The following ROBO1 variants were observed in gnomAD, a reference collection of about 807,000 sequenced individuals.
ROBO1 encodes the protein roundabout guidance receptor 1.
ROBO1 carries 149 observed loss-of-function variants against 195.9 expected under a neutral mutation model. The ratio of observed to expected loss-of-function variants is 0.76; its 90% confidence interval spans 0.67 to 0.87. ROBO1 has a LOEUF of 0.87. Among genes scored for constraint, ROBO1 ranks in the 40% least tolerant of loss-of-function variants. The pLI, the probability that ROBO1 is intolerant of heterozygous loss-of-function variation, is 0.00. For missense variants in ROBO1, 1,933 were observed against 2,068.3 expected, an observed-to-expected ratio of 0.93 and a Z score of 1.27; for synonymous variants, 816 against 733.2, an observed-to-expected ratio of 1.11 and a Z score of -1.82.
At chr3:79,628,025 C>T (rs528420216) in intron 1 of ROBO1, among the ~76,000 whole-genome samples, 1 of 152,252 alleles carries the variant, frequency 6.6e-6, no homozygotes, top group Non-Finnish European at 1.5e-5. Context: ...AATGCTTTTA[C>T]ACTGTTGGTG....
chr3:79,033,393 C>T (rs1397360982), intron 3 of ROBO1, among the ~76,000 whole-genome samples: 2 of 152,076 alleles, frequency 1.3e-5, no homozygotes, highest in African/African-American at 4.8e-5. Context: ...ACTTATTTCA[C>T]ATTTTTCATT....
At chr3:79,546,963 C>T (rs1430310543) in intron 2 of ROBO1, among the ~76,000 whole-genome samples, 1 of 151,892 alleles carries the variant, frequency 6.6e-6, no homozygotes, top group Non-Finnish European at 1.5e-5. Flanking sequence ...GGGCGGATCA[C>T]GAGGTCAGGA....
intron 2 of ROBO1, among the ~76,000 whole-genome samples, chr3:79,339,471 C>T (rs1559829462): frequency 1.3e-5 from 2 of 152,150 alleles, no homozygotes; most frequent in Non-Finnish European, 2.9e-5. Context: ...TACCTCCACA[C>T]TTACTCTTCT....
intron 2 of ROBO1, among the ~76,000 whole-genome samples, chr3:79,243,943 C>G (rs1360483329): frequency 1.3e-5 from 2 of 152,102 alleles, no homozygotes; most frequent in Admixed American, 6.5e-5. Context: ...AGGTTTTCTT[C>G]TAGGGTTTTT....
intron 2 of ROBO1, among the ~76,000 whole-genome samples, chr3:79,310,247 C>T (rs2033418513): frequency 6.6e-6 from 1 of 152,200 alleles, no homozygotes; most frequent in Non-Finnish European, 1.5e-5. Flanking sequence ...TCATATTGTG[C>T]ACCCTGACTC....
At chr3:78,884,722 A>AAAGG (rs751568679) in intron 4 of ROBO1, among the ~76,000 whole-genome samples, 7 of 149,780 alleles carry the variant, frequency 4.7e-5, no homozygotes, top group Admixed American at 6.6e-5. Context: ...GAAGGAAAGG[A>AAAGG]AAGGAAGGAA....
intron 3 of ROBO1, among the ~76,000 whole-genome samples, chr3:79,091,844 T>C (rs183926438): frequency 4.6e-5 from 7 of 152,078 alleles, no homozygotes; most frequent in Non-Finnish European, 8.8e-5. Flanking sequence ...AATTTCACTG[T>C]GAAGAAAACC....
intron 2 of ROBO1, among the ~76,000 whole-genome samples, chr3:79,493,604 G>A (rs1939580386): frequency 6.6e-6 from 1 of 151,630 alleles, no homozygotes; most frequent in Admixed American, 6.6e-5. Flanking sequence ...TTAAAAGTTT[G>A]TTGAAAAAAG....
intron 3 of ROBO1, among the ~76,000 whole-genome samples, chr3:79,030,942 G>A (rs1024817374): frequency 6.6e-6 from 1 of 152,096 alleles, no homozygotes; most frequent in African/African-American, 2.4e-5. Flanking sequence ...GGCTAGTCTT[G>A]AACTCCTGAA....
rs528002706 is a variant in ROBO1 at position 79,172,614 on chromosome 3, C to A, written c.89-47075G>T. On this transcript the variant is annotated intron_variant, in intron 2 of 30. Transcript: ENST00000464233. ...TGTATTAAAATTAAAGTACAAACTA[C>A]ATTTTTTTTCCAATTATATGTGTGT... Among the ~76,000 whole-genome samples, 67 of 152,048 alleles carry A rather than the reference C, an allele frequency of 4.4e-4. 1 individual carries two copies. The highest frequency in any genetic ancestry group is 1.6e-3 in the African/African-American group (65 of 41,474).
At chr3:78,657,385 T>A in intron 17 of ROBO1, 116 bp from the exon 18 acceptor site, 1 of 981,432 alleles carries the variant, frequency 1.0e-6, no homozygotes, top group Non-Finnish European at 1.5e-6. Flanking sequence ...TGCACTACCA[T>A]AAGAAGTTTC....
At chr3:79,460,780 C>T (rs1383920502) in intron 2 of ROBO1, among the ~76,000 whole-genome samples, 1 of 152,004 alleles carries the variant, frequency 6.6e-6, no homozygotes, top group African/African-American at 2.4e-5. Flanking sequence ...CGGAGTCTCG[C>T]TCTGTCGCCC....
At chr3:79,575,125 A>C (rs1943410293) in intron 2 of ROBO1, among the ~76,000 whole-genome samples, 1 of 105,382 alleles carries the variant, frequency 9.5e-6, no homozygotes, top group South Asian at 2.6e-4. Context: ...AAATATATAT[A>C]TAAATATATA....
At chr3:78,774,098 G>A (rs558812230) in intron 4 of ROBO1, among the ~76,000 whole-genome samples, 1 of 152,290 alleles carries the variant, frequency 6.6e-6, no homozygotes, top group South Asian at 2.1e-4. Flanking sequence ...TGTGGCAGAT[G>A]AGAACCTAAG....
rs558622924 is a variant in ROBO1 at position 79,037,013 on chromosome 3, T to C, written c.172+88443A>G. ...ACAGGATGGCTCTAAAGAGTATATATAAAATTTCTTTCAGTTCTCATGGGA... is the reference window on the plus strand; with the variant it reads ...ACAGGATGGCTCTAAAGAGTATATACAAAATTTCTTTCAGTTCTCATGGGA... On this transcript the variant is annotated intron_variant, in intron 3 of 30. Coordinates refer to ENST00000464233, the MANE Select transcript of ROBO1 (RefSeq NM_002941.4). Among the ~76,000 whole-genome samples, 12 of 152,250 alleles carry C rather than the reference T, an allele frequency of 7.9e-5. No homozygotes were observed. In the East Asian group the frequency reaches 2.3e-3, roughly 29 times the overall value.
intron 1 of ROBO1, among the ~76,000 whole-genome samples, chr3:79,660,824 C>G (rs1946307296): frequency 6.6e-6 from 1 of 152,070 alleles, no homozygotes; most frequent in Non-Finnish European, 1.5e-5. Context: ...GCAGACTCCT[C>G]AGAAGTCAGA....
intron 1 of ROBO1, among the ~76,000 whole-genome samples, chr3:79,624,992 A>C (rs1034247022): frequency 3.3e-5 from 5 of 152,198 alleles, no homozygotes; most frequent in African/African-American, 1.2e-4. Context: ...AAATTATAAC[A>C]AACAGTCTCT....
chr3:78,896,304 C>T (rs1166348757), intron 4 of ROBO1, among the ~76,000 whole-genome samples: 1 of 152,076 alleles, frequency 6.6e-6, no homozygotes, highest in Non-Finnish European at 1.5e-5. Flanking sequence ...GCCATCATAT[C>T]CCCAGTGACC....
At chr3:78,676,826 G>T (rs899998094) in intron 10 of ROBO1, among the ~76,000 whole-genome samples, 89 of 152,166 alleles carry the variant, frequency 5.8e-4, no homozygotes, top group Admixed American at 2.2e-3. Context: ...TACAGAGAAC[G>T]CCACAAATAT....
Sources: gnomAD v4.1 joint callset for allele counts (sites outside exome capture counted in the v4.1 genomes callset) on GRCh38, gnomAD v4.1.1 for gene constraint, MANE v1.5 for transcripts, NCBI Gene and HGNC (gene_info 2026-07-23, HGNC 2026-07-21) for gene names.